Variants in MDN1 observed in about 807,000 individuals in gnomAD.
MDN1 encodes midasin.
A neutral mutation model predicts 669.2 loss-of-function variants in MDN1; 266 were observed. The observed-to-expected ratio is 0.40, with a 90% CI of 0.36 to 0.44. MDN1 has a LOEUF of 0.44. Ranked by LOEUF, MDN1 falls within the 20% of genes least tolerant of loss-of-function variation. The pLI, the probability that MDN1 is intolerant of heterozygous loss-of-function variation, is 1.00. For synonymous variants in MDN1, 2,385 were observed against 2,457.1 expected (o/e 0.97, Z 0.87); for missense variants, 5,940 against 6,754.0 (o/e 0.88, Z 4.22).
chr6:89,689,376 T>G (rs1354402777), intron 65 of MDN1, among the ~76,000 whole-genome samples: 1 of 152,194 alleles, frequency 6.6e-6, no homozygotes, highest in Non-Finnish European at 1.5e-5. Context: ...CTATTCTAGG[T>G]AAACAGAAAG....
rs756636699 is a variant in MDN1, at chr6:89,658,740, T to C, written c.14891A>G (p.Gln4964Arg). Residue 4964 changes from glutamine (Q) to arginine (R), a missense_variant, in exon 89 of 102, where the codon CAA (glutamine) becomes CGA (arginine). Gln to Arg is a conservative substitution (Grantham distance 43). Around this residue, in one of 5 missense-constraint regions of MDN1, gnomAD observed 2,280 missense variants for 2,576.3 expected, o/e 0.88. Coordinates refer to ENST00000369393, the MANE Select transcript of MDN1 (RefSeq NM_014611.3). ...AGGATGCTGAGCAGCATCTCCATCT[T>C]GGTCATCAGCTCCTGTGTCCATTTC... ...EEEMDTGADD[Q>R]DGDAAQHPEE... is the part of the protein sequence containing the mutation. The C allele has an allele frequency of 3.7e-6, 6 of 1,614,076 alleles. No homozygotes were observed. The African/African-American group carries it at 8.0e-5, about 22-fold the overall frequency.
chr6:89,715,818 CTCT>C (rs752861615), intron 44 of MDN1, 49 bp from the exon 45 acceptor site: 13 of 1,215,776 alleles, frequency 1.1e-5, no homozygotes, highest in Non-Finnish European at 1.6e-5. Flanking sequence ...GCTGCATTGA[CTCT>C]TCTTTCCTTC....
At chr6:89,794,362 T>G (rs545147518) in intron 3 of MDN1, among the ~76,000 whole-genome samples, 155 bp from the exon 4 acceptor site, 43 of 152,366 alleles carry the variant, frequency 2.8e-4, no homozygotes, top group African/African-American at 1.0e-3. Flanking sequence ...ATGGATTTAC[T>G]TGATGGAACA....
chr6:89,686,921 T>C lies in MDN1; in HGVS notation c.11553A>G (p.Glu3851=). 1 of 1,613,770 alleles carries C rather than the reference T, an allele frequency of 6.2e-7. No individual in the cohort carries two copies. Among genetic ancestry groups the C allele is most frequent in the Non-Finnish European group, 8.5e-7 (1 of 1,179,984 alleles). ...IYQMLEKHMQ[E]QTEEQEDDKQ... is the part of the protein sequence containing the mutation. The stretch of plus-strand genomic sequence containing the variant: ...CATTACCTTCCTGTTCTTCTGTTTG[T>C]TCCTGCATGTGCTTCTCAAGCATCT... The change falls in exon 69 of 102, where the codon GAA becomes GAG. Residue 3851 remains glutamate, a synonymous_variant. Transcript: ENST00000369393.
At chr6:89,777,086 G>C (rs1390250380) in intron 11 of MDN1, among the ~76,000 whole-genome samples, 1 of 152,130 alleles carries the variant, frequency 6.6e-6, no homozygotes, top group Non-Finnish European at 1.5e-5. Flanking sequence ...GGAAACACTA[G>C]GTGTGCAATA....
At chr6:89,780,134 T>A in intron 11 of MDN1, 78 bp downstream of exon 11, 7 of 771,386 alleles carry the variant, frequency 9.1e-6, no homozygotes, top group South Asian at 2.1e-5. Flanking sequence ...CTGATGGCAA[T>A]CAAAAGACAG....
chr6:89,670,687 G>A (rs569647000), intron 83 of MDN1, among the ~76,000 whole-genome samples: 1 of 152,276 alleles, frequency 6.6e-6, no homozygotes, highest in East Asian at 1.9e-4. Flanking sequence ...CGTCAGTTTG[G>A]GGGAAAGGGT....
chr6:89,810,521 G>C (rs546488955), intron 1 of MDN1, among the ~76,000 whole-genome samples: 1 of 152,226 alleles, frequency 6.6e-6, no homozygotes, highest in East Asian at 1.9e-4. Flanking sequence ...CCAAGATCAG[G>C]GTGTCAGCAA....
At chr6:89,802,816 G>A (rs1275035116) in intron 2 of MDN1, among the ~76,000 whole-genome samples, 2 of 152,092 alleles carry the variant, frequency 1.3e-5, no homozygotes, top group Non-Finnish European at 2.9e-5. Flanking sequence ...TGTCTCTTTT[G>A]ATTATTCCTC....
At chr6:89,705,539 A>G (rs1285381111) in intron 53 of MDN1, among the ~76,000 whole-genome samples, 1 of 152,242 alleles carries the variant, frequency 6.6e-6, no homozygotes, top group Non-Finnish European at 1.5e-5. Flanking sequence ...GTAGATCCAC[A>G]CAATGGAATA....
Position 89,781,413 on chromosome 6 carries a change from T to G in MDN1, c.1629A>C (p.Arg543Ser). The part of the protein sequence containing the change: ...RENKRPTLEG[R>S]ELSLRDLLNW... Reference sequence around the variant, plus strand: ...TAGTCCAGTACCTTAGAGATAATTCTCTTCCCTCAAGGGTTGGTCTTTTGT... The same window carrying G: ...TAGTCCAGTACCTTAGAGATAATTCGCTTCCCTCAAGGGTTGGTCTTTTGT... The change falls in exon 10 of 102, where the codon AGA (arginine) becomes AGC (serine). Residue 543 changes from arginine (R) to serine (S), a missense_variant. Around this residue, in one of 5 missense-constraint regions of MDN1, gnomAD observed 1,203 missense variants for 1,268.9 expected, o/e 0.95. Transcript: ENST00000369393. 1 of 1,613,912 alleles carries G rather than the reference T, an allele frequency of 6.2e-7. No homozygotes were observed. Among genetic ancestry groups the G allele is most frequent in the Non-Finnish European group, 8.5e-7 (1 of 1,179,860 alleles).
At chr6:89,781,298 C>A in intron 10 of MDN1, 101 bp downstream of exon 10, 1 of 1,202,922 alleles carries the variant, frequency 8.3e-7, no homozygotes, top group South Asian at 1.3e-5. Flanking sequence ...TTGGAGTGAG[C>A]CAAAACTGCA....
chr6:89,682,716 A>AC (rs1481615303), intron 73 of MDN1, among the ~76,000 whole-genome samples: 1 of 145,620 alleles, frequency 6.9e-6, no homozygotes, highest in Non-Finnish European at 1.5e-5. Flanking sequence ...AAAAAAAAAA[A>AC]AAAAAAAAAA....
intron 12 of MDN1, 21 bp from the exon 13 acceptor site, chr6:89,774,754 CCTGAGTAAAAATCCACATG>C: frequency 6.5e-7 from 1 of 1,540,230 alleles, no homozygotes; most frequent in Non-Finnish European, 9.0e-7. Flanking sequence ...TAAGATTTTA[CCTGAGTAAAAATCCACATG>C]CTTTTGGAAT....
At chr6:89,753,194 A>G (rs1037252897) in intron 22 of MDN1, among the ~76,000 whole-genome samples, 9 of 152,186 alleles carry the variant, frequency 5.9e-5, no homozygotes, top group African/African-American at 1.9e-4. Context: ...CATTAAACGC[A>G]TATTACAATT....
At chr6:89,800,542 T>C (rs1767570739) in intron 2 of MDN1, among the ~76,000 whole-genome samples, 1 of 152,210 alleles carries the variant, frequency 6.6e-6, no homozygotes, top group Non-Finnish European at 1.5e-5. Context: ...AGATGCTTAC[T>C]GTCCCCCTCC....
At chr6:89,751,303 G>C (rs954127688) in intron 23 of MDN1, 128 bp downstream of exon 23, 1 of 1,215,096 alleles carries the variant, frequency 8.2e-7, no homozygotes, top group Non-Finnish European at 1.1e-6. Context: ...ACTGACTTTT[G>C]TAAGTAATTG....
At chr6:89,740,945 T>C (rs1816263056) in intron 31 of MDN1, among the ~76,000 whole-genome samples, 1 of 152,116 alleles carries the variant, frequency 6.6e-6, no homozygotes, top group African/African-American at 2.4e-5. Context: ...TAAAACTGGA[T>C]TGTAGGCCGG....
intron 29 of MDN1, 113 bp downstream of exon 29, chr6:89,745,160 G>T: frequency 1.9e-3 from 731 of 392,184 alleles, no homozygotes; most frequent in Non-Finnish European, 2.3e-3. Flanking sequence ...AAAGAAAAAA[G>T]AGGAAGGAGG....
Sources: allele counts gnomAD v4.1 joint callset (sites outside exome capture counted in the v4.1 genomes callset), GRCh38; gene constraint gnomAD v4.1.1; regional missense constraint gnomAD v4.1.1; transcripts MANE v1.5; gene names NCBI Gene and HGNC (gene_info 2026-07-23, HGNC 2026-07-21).